The following CDK14 variants were observed in gnomAD, a reference collection of about 807,000 sequenced individuals.
CDK14 encodes cyclin dependent kinase 14.
A neutral mutation model predicts 60.7 loss-of-function variants in CDK14; 34 were observed. That is an observed-to-expected ratio of 0.56 (90% CI 0.43 to 0.75). CDK14 has a LOEUF of 0.75. Ranked by LOEUF, CDK14 falls within the 30% of genes least tolerant of loss-of-function variation. The pLI, the probability that CDK14 is intolerant of heterozygous loss-of-function variation, is 0.00. For missense variants in CDK14, 482 were observed against 564.1 expected, an observed-to-expected ratio of 0.85 and a Z score of 1.47; for synonymous variants, 197 against 203.7, an observed-to-expected ratio of 0.97 and a Z score of 0.28.
At chr7:90,965,161 C>T (rs1191236074) in intron 9 of CDK14, among the ~76,000 whole-genome samples, 1 of 152,140 alleles carries the variant, frequency 6.6e-6, no homozygotes, top group East Asian at 1.9e-4. Flanking sequence ...CCCCACTCAT[C>T]CCCATCCCCA....
At chr7:90,680,704 G>T (rs1016027874) in intron 2 of CDK14, among the ~76,000 whole-genome samples, 1 of 152,178 alleles carries the variant, frequency 6.6e-6, no homozygotes, top group Admixed American at 6.5e-5. Flanking sequence ...GATCAGCTGC[G>T]GGAGTGTTTG....
intron 5 of CDK14, among the ~76,000 whole-genome samples, chr7:90,839,861 T>C (rs1790230983): frequency 6.6e-6 from 1 of 152,214 alleles, no homozygotes; most frequent in Non-Finnish European, 1.5e-5. Flanking sequence ...TTGTTTCTTG[T>C]ATTATGTTGT....
intron 4 of CDK14, among the ~76,000 whole-genome samples, chr7:90,769,583 C>T (rs1804704526): frequency 6.6e-6 from 1 of 151,870 alleles, no homozygotes; most frequent in Admixed American, 6.6e-5. Flanking sequence ...TCTCCTGCCT[C>T]AGCCTCCCGA....
intron 9 of CDK14, among the ~76,000 whole-genome samples, chr7:90,978,437 A>G (rs950185011): frequency 2.0e-5 from 3 of 152,208 alleles, no homozygotes; most frequent in Non-Finnish European, 4.4e-5. Flanking sequence ...AAATTAGGAT[A>G]GAACCCAGCA....
chr7:90,725,398 C>A (rs1190081985), intron 2 of CDK14, among the ~76,000 whole-genome samples: 1 of 152,068 alleles, frequency 6.6e-6, no homozygotes, highest in African/African-American at 2.4e-5. Flanking sequence ...TATATCTATC[C>A]ATATACATAG....
At chr7:90,829,201 G>T (rs1254976113) in intron 5 of CDK14, among the ~76,000 whole-genome samples, 2 of 152,076 alleles carry the variant, frequency 1.3e-5, no homozygotes, top group African/African-American at 4.8e-5. Context: ...TGGGATTTGG[G>T]TGGGGACACA....
intron 8 of CDK14, among the ~76,000 whole-genome samples, chr7:90,931,005 T>C (rs1030470122): frequency 2.0e-5 from 3 of 152,210 alleles, no homozygotes; most frequent in African/African-American, 7.2e-5. Flanking sequence ...AATAACAACA[T>C]GAAGAGCTTT....
At chr7:90,972,411 T>C (rs1441927770) in intron 9 of CDK14, among the ~76,000 whole-genome samples, 1 of 152,226 alleles carries the variant, frequency 6.6e-6, no homozygotes, top group Non-Finnish European at 1.5e-5. Context: ...TGTAATAAAT[T>C]TTCTTTTAGA....
chr7:90,960,753 T>C (rs1489386238), intron 9 of CDK14, among the ~76,000 whole-genome samples: 1 of 152,156 alleles, frequency 6.6e-6, no homozygotes, highest in Non-Finnish European at 1.5e-5. Context: ...GAAATGTATA[T>C]AATAAAATAA....
chr7:90,958,159 C>T (rs1794488882), intron 9 of CDK14, among the ~76,000 whole-genome samples: 1 of 152,028 alleles, frequency 6.6e-6, no homozygotes, highest in African/African-American at 2.4e-5. Context: ...TGTTTTTGAT[C>T]CAAAAACGTT....
rs796093975 is a variant in CDK14, at chr7:90,598,704, A to ATTTTTTTTTTTTTTT, written c.91+1990_91+2004dup. ...GTGAACTCATTCTGATTATCTAAGGATTTTTTTTTTTTTTTTTTGAGACGG... is the reference window on the plus strand; with the variant it reads ...GTGAACTCATTCTGATTATCTAAGGATTTTTTTTTTTTTTTTTTTTTTTTTTTTTTTTTGAGACGG... On this transcript the variant is annotated intron_variant, in intron 1 of 14. Coordinates refer to ENST00000380050, the MANE Select transcript of CDK14 (RefSeq NM_001287135.2). Among the ~76,000 whole-genome samples the ATTTTTTTTTTTTTTT allele has an allele frequency of 3.9e-3, 343 of 87,770 alleles. 40 individuals carry two copies. Among genetic ancestry groups the ATTTTTTTTTTTTTTT allele is most frequent in the African/African-American group, 8.4e-3 (207 of 24,778 alleles). 57.6% of individuals were successfully genotyped at this position (87,770 alleles called of 152,430 possible).
chr7:91,070,100 G>GTATT (rs1798094912), intron 11 of CDK14, among the ~76,000 whole-genome samples: 1 of 152,148 alleles, frequency 6.6e-6, no homozygotes, highest in Non-Finnish European at 1.5e-5. Context: ...CCCAGCCTGT[G>GTATT]TATTGTGTTG....
intron 5 of CDK14, among the ~76,000 whole-genome samples, chr7:90,799,828 G>A (rs1788571733): frequency 1.4e-5 from 2 of 146,982 alleles, no homozygotes; most frequent in South Asian, 4.2e-4. Context: ...ACAGAGGGTT[G>A]TGTTATTGCC....
intron 4 of CDK14, among the ~76,000 whole-genome samples, chr7:90,760,484 G>T (rs1160265845): frequency 6.6e-6 from 1 of 152,158 alleles, no homozygotes; most frequent in Non-Finnish European, 1.5e-5. Context: ...GAGGTTACCT[G>T]CCCACAAATG....
chr7:90,829,890 G>C (rs1479666019), intron 5 of CDK14, among the ~76,000 whole-genome samples: 3 of 152,162 alleles, frequency 2.0e-5, no homozygotes, highest in Admixed American at 6.5e-5. Flanking sequence ...CACATCCAGG[G>C]CACTCTCATG....
intron 2 of CDK14, among the ~76,000 whole-genome samples, chr7:90,627,158 A>G (rs1254194285): frequency 6.6e-6 from 1 of 151,908 alleles, no homozygotes; most frequent in Non-Finnish European, 1.5e-5. Flanking sequence ...AATTTAGACT[A>G]GCCACATTTC....
intron 1 of CDK14, among the ~76,000 whole-genome samples, chr7:90,602,883 G>A (rs906790960): frequency 1.6e-4 from 25 of 152,226 alleles, no homozygotes; most frequent in Non-Finnish European, 2.8e-4. Flanking sequence ...TTAACTCACC[G>A]CAATCACATT....
intron 14 of CDK14, among the ~76,000 whole-genome samples, chr7:91,121,686 G>A (rs927312717): frequency 1.3e-5 from 2 of 152,110 alleles, no homozygotes; most frequent in South Asian, 2.1e-4. Flanking sequence ...GTTAAAAATG[G>A]GATAGGTGCC....
rs911779116 is a variant in CDK14 at position 91,161,180 on chromosome 7, C to T, written c.*28+42972C>T. Among the ~76,000 whole-genome samples the T allele has an allele frequency of 2.6e-5, 4 of 152,062 alleles. No individual in the cohort carries two copies. In the East Asian group the frequency reaches 5.8e-4, roughly 22 times the overall value. On this transcript the variant is annotated intron_variant, in intron 14 of 14. Transcript: ENST00000380050. ...GAAGTGCATTTGATCTGGGTCTGGA[C>T]GGGTTGATAGGATTATGGATATTGT...
Sources: gnomAD v4.1 joint callset for allele counts (sites outside exome capture counted in the v4.1 genomes callset) on GRCh38, gnomAD v4.1.1 for gene constraint, MANE v1.5 for transcripts, NCBI Gene and HGNC (gene_info 2026-07-23, HGNC 2026-07-21) for gene names.